MED27: variants seen among roughly 807,000 people sequenced by gnomAD.
MED27 encodes mediator of RNA polymerase II transcription subunit 27.
A neutral mutation model predicts 38.2 loss-of-function variants in MED27; 30 were observed. The observed-to-expected ratio is 0.79, with a 90% CI of 0.59 to 1.07. MED27 has a LOEUF of 1.07. MED27 is among the 50% of genes least tolerant of loss of function. The pLI is 0.00. For synonymous variants in MED27, 122 were observed against 153.5 expected, an observed-to-expected ratio of 0.79 and a Z score of 1.52; for missense variants, 289 against 397.5, an observed-to-expected ratio of 0.73 and a Z score of 2.32.
chr9:131,886,541 C>T (rs1023784727), intron 5 of MED27, among the ~76,000 whole-genome samples: 1 of 152,180 alleles, frequency 6.6e-6, no homozygotes, highest in African/African-American at 2.4e-5. Context: ...GTGTCAATTG[C>T]CAGTCAGTGC....
chr9:131,996,132 G>A (rs952288796), intron 3 of MED27, among the ~76,000 whole-genome samples: 4 of 152,176 alleles, frequency 2.6e-5, no homozygotes. Flanking sequence ...CTGGTCTAGG[G>A]ACCAGTAGTC....
chr9:131,968,271 C>T (rs536509525), intron 3 of MED27, among the ~76,000 whole-genome samples: 8 of 152,094 alleles, frequency 5.3e-5, no homozygotes, highest in African/African-American at 1.2e-4. Context: ...CCCCGAGGTT[C>T]GAGACCAGTC....
At chr9:132,057,291 T>C (rs1004459458) in intron 2 of MED27, among the ~76,000 whole-genome samples, 3 of 152,234 alleles carry the variant, frequency 2.0e-5, no homozygotes, top group African/African-American at 4.8e-5. Context: ...TGTGTCCTCC[T>C]GTAGCCTTAG....
intron 3 of MED27, among the ~76,000 whole-genome samples, chr9:131,974,460 A>G (rs1436090661): frequency 1.3e-5 from 2 of 152,212 alleles, no homozygotes; most frequent in African/African-American, 2.4e-5. Flanking sequence ...TAATGATCCC[A>G]GGACACTGGG....
intron 2 of MED27, chr9:132,073,768 G>GA (rs200460682): frequency 0.046 from 46,052 of 992,556 alleles, 92 homozygotes; most frequent in South Asian, 0.11. Context: ...AATCAAACGT[G>GA]AAAAAAAAAA....
intron 3 of MED27, among the ~76,000 whole-genome samples, chr9:131,956,360 T>C (rs1264247159): frequency 2.6e-5 from 4 of 152,060 alleles, no homozygotes; most frequent in African/African-American, 4.8e-5. Flanking sequence ...TGCACAAAAA[T>C]GTAAATGCAC....
chr9:132,045,144 AC>A (rs1396717676), intron 2 of MED27, among the ~76,000 whole-genome samples: 1 of 152,226 alleles, frequency 6.6e-6, no homozygotes, highest in Non-Finnish European at 1.5e-5. Flanking sequence ...CTTTAAAAAA[AC>A]AAAAATGTCT....
intron 4 of MED27, among the ~76,000 whole-genome samples, chr9:131,899,652 C>T (rs184448716): frequency 2.1e-3 from 320 of 152,268 alleles, no homozygotes; most frequent in African/African-American, 5.4e-3. Flanking sequence ...CCTTTCTCTT[C>T]GGAGTGTGGT....
At position 131,982,459 on chromosome 9, in the gene MED27, G is replaced by GT. The variant is rs1406596861; in HGVS notation, c.479+31877dup. On this transcript the variant is annotated intron_variant, in intron 3 of 7. Coordinates refer to ENST00000292035, the MANE Select transcript of MED27 (RefSeq NM_004269.4). This position sits in a 1 kb window ranked among gnomAD's most constrained non-coding sequence, Gnocchi z 4.3. ...CTGGGCCAGACCAGACTACACAATCGTGAGTAAATAAAATGTTTTGTTGTA... is the reference window on the plus strand; with the variant it reads ...CTGGGCCAGACCAGACTACACAATCGTTGAGTAAATAAAATGTTTTGTTGTA... Among the ~76,000 whole-genome samples the GT allele has an allele frequency of 6.6e-6, 1 of 152,212 alleles. No individual in the cohort carries two copies. The highest frequency in any genetic ancestry group is 1.5e-5 in the Non-Finnish European group (1 of 68,030).
intron 4 of MED27, among the ~76,000 whole-genome samples, chr9:131,912,493 G>A (rs188321388): frequency 6.6e-5 from 10 of 152,180 alleles, no homozygotes; most frequent in Admixed American, 5.9e-4. Context: ...TCACTCCCAT[G>A]TCACTCCCTG....
chr9:131,958,144 G>T (rs970746366), intron 3 of MED27, among the ~76,000 whole-genome samples: 1 of 151,864 alleles, frequency 6.6e-6, no homozygotes, highest in African/African-American at 2.4e-5. Flanking sequence ...TTTATTTTAT[G>T]TAAGTTATAC....
At chr9:132,076,233 T>C (rs1270505919) in intron 2 of MED27, among the ~76,000 whole-genome samples, 1 of 152,020 alleles carries the variant, frequency 6.6e-6, no homozygotes, top group African/African-American at 2.4e-5. Flanking sequence ...TCCCTGAACA[T>C]TTTAGTTCCT....
intron 3 of MED27, among the ~76,000 whole-genome samples, chr9:131,980,661 G>C (rs1197759685): frequency 6.6e-6 from 1 of 151,686 alleles, no homozygotes; most frequent in Non-Finnish European, 1.5e-5. Context: ...TATGGATTCT[G>C]CCCTTCTTGA....
chr9:131,875,052 A>G (rs1247660679), intron 6 of MED27, among the ~76,000 whole-genome samples: 2 of 152,106 alleles, frequency 1.3e-5, no homozygotes, highest in Middle Eastern at 3.2e-3. Flanking sequence ...CCAAGGTGCC[A>G]GGCGCCCCAG....
intron 3 of MED27, among the ~76,000 whole-genome samples, chr9:131,973,948 A>T (rs936470195): frequency 2.7e-5 from 4 of 150,442 alleles, no homozygotes; most frequent in East Asian, 3.9e-4. Flanking sequence ...CTCCTGACCT[A>T]GTGATCCACC....
chr9:132,067,440 T>C (rs1833832892), intron 2 of MED27, among the ~76,000 whole-genome samples: 1 of 152,136 alleles, frequency 6.6e-6, no homozygotes, highest in African/African-American at 2.4e-5. Flanking sequence ...GACTAAGAGT[T>C]TTCCACAGAA....
At chr9:132,028,066 C>T (rs1488618325) in intron 2 of MED27, among the ~76,000 whole-genome samples, 1 of 152,094 alleles carries the variant, frequency 6.6e-6, no homozygotes. Context: ...GGCCCCAGCT[C>T]CTCCTTCCAC....
chr9:132,039,821 C>T (rs145131896), intron 2 of MED27, among the ~76,000 whole-genome samples: 44 of 152,290 alleles, frequency 2.9e-4, no homozygotes, highest in African/African-American at 1.1e-3. Flanking sequence ...GGTCCTGCCT[C>T]TAGGAGTTTC....
chr9:132,053,896 G>A (rs2131140316), intron 2 of MED27, among the ~76,000 whole-genome samples: 1 of 151,150 alleles, frequency 6.6e-6, no homozygotes, highest in South Asian at 2.1e-4. Context: ...AACATGTATT[G>A]GGAAAAAATA....
Sources: gnomAD v4.1 joint callset for allele counts (sites outside exome capture counted in the v4.1 genomes callset) on GRCh38, gnomAD v4.1.1 for gene constraint, Gnocchi (gnomAD v3.1) non-coding constraint, MANE v1.5 for transcripts, NCBI Gene and HGNC (gene_info 2026-07-23, HGNC 2026-07-21) for gene names.